LRP1B: variants seen among roughly 807,000 people sequenced by gnomAD.
The protein encoded by LRP1B is low-density lipoprotein receptor-related protein 1B.
LRP1B carries 217 observed loss-of-function variants against 556.6 expected under a neutral mutation model. The ratio of observed to expected loss-of-function variants is 0.39; its 90% CI spans 0.35 to 0.44. LRP1B has a LOEUF of 0.44. LRP1B is among the 20% of genes least tolerant of loss of function. The pLI is 1.00. For synonymous variants in LRP1B, 2,047 were observed against 1,865.8 expected, an observed-to-expected ratio of 1.10 and a Z score of -2.50; for missense variants, 5,053 against 5,620.8, an observed-to-expected ratio of 0.90 and a Z score of 3.23.
intron 2 of LRP1B, among the ~76,000 whole-genome samples, chr2:141,537,415 G>A (rs1167432672): frequency 6.6e-6 from 1 of 151,946 alleles, no homozygotes; most frequent in African/African-American, 2.4e-5. Context: ...AGATTTTATT[G>A]GCTTTTGATC....
intron 32 of LRP1B, among the ~76,000 whole-genome samples, chr2:140,800,065 G>A (rs879645148): frequency 6.6e-6 from 1 of 152,146 alleles, no homozygotes; most frequent in Non-Finnish European, 1.5e-5. Context: ...ATACTATATT[G>A]CCATAAAAAA....
intron 66 of LRP1B, among the ~76,000 whole-genome samples, chr2:140,426,834 C>T (rs934234699): frequency 5.9e-5 from 9 of 152,156 alleles, no homozygotes; most frequent in African/African-American, 2.2e-4. Flanking sequence ...CGGGGGACCT[C>T]CTTTGGGAGA....
intron 1 of LRP1B, among the ~76,000 whole-genome samples, chr2:141,896,002 A>G (rs1055573198): frequency 6.6e-6 from 1 of 152,052 alleles, no homozygotes; most frequent in African/African-American, 2.4e-5. Flanking sequence ...CAAACAGAAT[A>G]TTGCCTATTA....
chr2:141,126,238 T>A (rs886359662), intron 7 of LRP1B, among the ~76,000 whole-genome samples: 3 of 152,154 alleles, frequency 2.0e-5, no homozygotes, highest in Non-Finnish European at 4.4e-5. Flanking sequence ...TTTGCCATAT[T>A]GGCCAGGCTG....
chr2:141,404,345 T>C (rs1690550181), intron 3 of LRP1B, among the ~76,000 whole-genome samples: 1 of 152,188 alleles, frequency 6.6e-6, no homozygotes. Context: ...TGAATCACCA[T>C]GCATACTTCA....
intron 2 of LRP1B, among the ~76,000 whole-genome samples, chr2:141,510,903 C>CAG (rs1181311227): frequency 2.5e-5 from 1 of 40,282 alleles, no homozygotes; most frequent in Non-Finnish European, 5.3e-5. Flanking sequence ...CACACACACA[C>CAG]ACACACCCCA....
At position 140,270,183 on chromosome 2, in the gene LRP1B, G is replaced by A. The variant is rs1315243747; in HGVS notation, c.13247+59C>T. 50 of 1,157,976 alleles carry A rather than the reference G, an allele frequency of 4.3e-5. No individual in the cohort carries two copies. In the South Asian group the frequency reaches 5.2e-4, roughly 12 times the overall value. The allele number at this position is 1,157,976 out of a possible 1,614,324, so 71.7% of individuals were successfully genotyped here. ...CAGAAAAGGAGAATAATAGAACAGG[G>A]ATTTCATGTACATACAAAGGCTTAT... On this transcript the variant is annotated intron_variant, in intron 86 of 90. Transcript: ENST00000389484.
chr2:140,589,564 A>T (rs1436895964), intron 43 of LRP1B, among the ~76,000 whole-genome samples: 2 of 152,318 alleles, frequency 1.3e-5, no homozygotes, highest in East Asian at 3.9e-4. Context: ...TCAACAAGTG[A>T]ATAAAGATAC....
intron 41 of LRP1B, among the ~76,000 whole-genome samples, chr2:140,688,970 G>C (rs1326836811): frequency 6.6e-6 from 1 of 152,170 alleles, no homozygotes; most frequent in Non-Finnish European, 1.5e-5. Flanking sequence ...TAAATAAGCA[G>C]TTGTTTTAAG....
At chr2:141,102,303 T>C (rs1700481455) in intron 7 of LRP1B, among the ~76,000 whole-genome samples, 1 of 152,116 alleles carries the variant, frequency 6.6e-6, no homozygotes, top group Non-Finnish European at 1.5e-5. Context: ...ACCTCTAACA[T>C]AAACTTGTAT....
chr2:140,454,177 T>A (rs1686995098), intron 62 of LRP1B, among the ~76,000 whole-genome samples: 1 of 152,068 alleles, frequency 6.6e-6, no homozygotes, highest in African/African-American at 2.4e-5. Flanking sequence ...GAGACAAGAG[T>A]TTCACTCTGT....
chr2:141,873,031 A>G (rs1306986458), intron 1 of LRP1B, among the ~76,000 whole-genome samples: 1 of 152,056 alleles, frequency 6.6e-6, no homozygotes, highest in Non-Finnish European at 1.5e-5. Context: ...GAACTTAGCA[A>G]ATGAATAATG....
In LRP1B at chr2:142,024,535, T is replaced by A. The variant is rs115305007; in HGVS notation, c.82+106113A>T. ...AGCAGTAAGAATTAAACTTAAGACC[T>A]AGTTTCTTGATTCTTGCTAGAACTT... On this transcript the variant is annotated intron_variant, in intron 1 of 90. Coordinates refer to ENST00000389484, the MANE Select transcript of LRP1B (RefSeq NM_018557.3). Among the ~76,000 whole-genome samples the A allele has an allele frequency of 9.3e-3, 1,415 of 152,056 alleles. 23 individuals are homozygous for A. The highest frequency in any genetic ancestry group is 0.033 in the African/African-American group (1,373 of 41,480).
chr2:140,468,464 T>C (rs1055720796), intron 60 of LRP1B, among the ~76,000 whole-genome samples: 1 of 140,282 alleles, frequency 7.1e-6, no homozygotes. Flanking sequence ...GCCACTGCAG[T>C]GTCCCTTATA....
chr2:141,321,941 T>C (rs1687258472), intron 3 of LRP1B, among the ~76,000 whole-genome samples: 1 of 152,058 alleles, frequency 6.6e-6, no homozygotes, highest in Non-Finnish European at 1.5e-5. Context: ...GGCCCAATAG[T>C]ATGCACTAGA....
At chr2:141,215,085 TG>T (rs1387500172) in intron 6 of LRP1B, among the ~76,000 whole-genome samples, 1 of 152,166 alleles carries the variant, frequency 6.6e-6, no homozygotes, top group East Asian at 1.9e-4. Context: ...GTTTGGGTTA[TG>T]GGGGTAGATC....
intron 2 of LRP1B, among the ~76,000 whole-genome samples, chr2:141,487,135 GGA>G (rs1683151756): frequency 6.6e-6 from 1 of 152,028 alleles, no homozygotes; most frequent in South Asian, 2.1e-4. Context: ...CTTTTGCCTG[GGA>G]AACACATGAT....
rs2105462702 is a variant in LRP1B at position 141,058,931 on chromosome 2, C to T, written c.1360G>A (p.Glu454Lys). Reference sequence around the variant, plus strand: ...TAAATTCGGATTCCCCAAGCATTCTCAATTTTAATTAATGAGTGAATATCA... The same window carrying T: ...TAAATTCGGATTCCCCAAGCATTCTTAATTTTAATTAATGAGTGAATATCA... ...GTDIHSLIKI[E>K]NAWGIRIYQK... The change falls in exon 9 of 91, where the codon GAG (glutamate) becomes AAG (lysine). Residue 454 changes from glutamate (E) to lysine (K), a missense_variant. Physicochemically the swap from Glu to Lys is moderately conservative, Grantham distance 56. Coordinates refer to ENST00000389484, the MANE Select transcript of LRP1B (RefSeq NM_018557.3). 6.3e-7 allele frequency: 1 copy of T among 1,599,028 alleles called. No individual in the cohort carries two copies. The highest frequency in any genetic ancestry group is 8.5e-7 in the Non-Finnish European group (1 of 1,173,822).
intron 41 of LRP1B, among the ~76,000 whole-genome samples, chr2:140,654,042 A>AC (rs1684784262): frequency 7.0e-6 from 1 of 142,458 alleles, no homozygotes; most frequent in Non-Finnish European, 1.6e-5. Context: ...AAAAAAAAAA[A>AC]AAAAAAAAAG....
Sources: gnomAD v4.1 joint callset for allele counts (sites outside exome capture counted in the v4.1 genomes callset) on GRCh38, gnomAD v4.1.1 for gene constraint, MANE v1.5 for transcripts, NCBI Gene and HGNC (gene_info 2026-07-23, HGNC 2026-07-21) for gene names.